Variants in CHCHD6 observed in about 807,000 individuals in gnomAD.
CHCHD6 encodes coiled-coil-helix-coiled-coil-helix domain containing 6.
In CHCHD6, 28 loss-of-function variants were observed where a neutral mutation model predicts 32.3. The observed-to-expected ratio is 0.87, with a 90% confidence interval of 0.64 to 1.19. The LOEUF is 1.19. Among genes scored for constraint, CHCHD6 ranks in the 50% most tolerant of loss-of-function variants. CHCHD6 has a pLI of 0.00. For synonymous variants in CHCHD6, 122 were observed against 117.5 expected (o/e 1.04, Z -0.25); for missense variants, 333 against 307.0 (o/e 1.08, Z -0.63).
At chr3:126,940,338 A>G (rs1242670275) in intron 6 of CHCHD6, among the ~76,000 whole-genome samples, 1 of 152,178 alleles carries the variant, frequency 6.6e-6, no homozygotes, top group Middle Eastern at 3.2e-3. Context: ...TCCCTCATCT[A>G]TATGCTGTGC....
At chr3:126,766,965 C>T in intron 4 of CHCHD6, 1 of 963,056 alleles carries the variant, frequency 1.0e-6, no homozygotes, top group African/African-American at 1.6e-5. Flanking sequence ...AGTCCAGGAC[C>T]AGTGTGTGGT....
intron 5 of CHCHD6, among the ~76,000 whole-genome samples, chr3:126,899,662 A>G (rs934892512): frequency 6.6e-6 from 1 of 152,206 alleles, no homozygotes; most frequent in African/African-American, 2.4e-5. Context: ...TGGGCTTCAG[A>G]GAGCACAGCT....
At chr3:126,858,926 C>T (rs538108069) in intron 5 of CHCHD6, among the ~76,000 whole-genome samples, 2 of 152,310 alleles carry the variant, frequency 1.3e-5, no homozygotes, top group African/African-American at 4.8e-5. Context: ...ACCGCAGAAT[C>T]GCCTGCTGCT....
At chr3:126,821,143 G>A (rs1037537109) in intron 4 of CHCHD6, among the ~76,000 whole-genome samples, 1 of 152,172 alleles carries the variant, frequency 6.6e-6, no homozygotes, top group African/African-American at 2.4e-5. Flanking sequence ...CCATATTGTA[G>A]CATGTATCAG....
At chr3:126,782,422 G>T (rs567118140) in intron 4 of CHCHD6, among the ~76,000 whole-genome samples, 2 of 152,224 alleles carry the variant, frequency 1.3e-5, no homozygotes, top group Non-Finnish European at 2.9e-5. Context: ...GGCCCAGGCC[G>T]ATGTCATACG....
At chr3:126,882,433 G>A (rs1381373670) in intron 5 of CHCHD6, among the ~76,000 whole-genome samples, 2 of 152,306 alleles carry the variant, frequency 1.3e-5, no homozygotes, top group South Asian at 4.1e-4. Flanking sequence ...AGAAGTCCTG[G>A]TTCTCCGCTG....
chr3:126,806,326 A>G (rs971698867), intron 4 of CHCHD6, among the ~76,000 whole-genome samples: 11 of 152,240 alleles, frequency 7.2e-5, no homozygotes, highest in African/African-American at 2.7e-4. Flanking sequence ...AATATCCAGA[A>G]TCTACAATGA....
Position 126,733,202 on chromosome 3 carries a change from G to A in CHCHD6, c.391G>A (p.Glu131Lys), listed in dbSNP as rs756948369. Residue 131 changes from glutamate (E) to lysine (K), a missense_variant, in exon 4 of 8, where the codon GAG (glutamate) becomes AAG (lysine). Physicochemically the swap from Glu to Lys is moderately conservative, Grantham distance 56 (BLOSUM62 1). Coordinates refer to ENST00000290913, the MANE Select transcript of CHCHD6 (RefSeq NM_032343.3). Reference protein sequence around the residue: ...PTGEGSISHEEQKSVRLAREL... With the variant: ...PTGEGSISHEKQKSVRLAREL... ...GGGCGAAGGCAGCATCAGCCATGAGGAGCAGAAGTCAGTCCGGCTGGTGAG... is the reference window on the plus strand; with the variant it reads ...GGGCGAAGGCAGCATCAGCCATGAGAAGCAGAAGTCAGTCCGGCTGGTGAG... 3.1e-6 allele frequency: 5 copies of A among 1,613,960 alleles called. 1 individual carries two copies. In the South Asian group the frequency reaches 5.5e-5, roughly 18 times the overall value.
At chr3:126,896,970 T>A (rs186825690) in intron 5 of CHCHD6, among the ~76,000 whole-genome samples, 22 of 152,324 alleles carry the variant, frequency 1.4e-4, no homozygotes, top group Admixed American at 4.6e-4. Flanking sequence ...CTCCTACTGC[T>A]GTAGTCCAGG....
intron 6 of CHCHD6, among the ~76,000 whole-genome samples, chr3:126,922,429 C>A (rs147384888): frequency 6.6e-6 from 1 of 152,340 alleles, no homozygotes; most frequent in African/African-American, 2.4e-5. Flanking sequence ...CATTTGCTTA[C>A]AGACACACCC....
intron 5 of CHCHD6, among the ~76,000 whole-genome samples, chr3:126,854,022 G>A (rs1941566269): frequency 6.6e-6 from 1 of 152,216 alleles, no homozygotes; most frequent in Non-Finnish European, 1.5e-5. Context: ...CTAGAGGCAT[G>A]TGTACATATC....
At chr3:126,841,223 C>T (rs1357099875) in intron 4 of CHCHD6, among the ~76,000 whole-genome samples, 4 of 152,166 alleles carry the variant, frequency 2.6e-5, no homozygotes, top group Admixed American at 6.5e-5. Context: ...AGGACATGAA[C>T]TCATCATTTT....
chr3:126,894,849 A>G (rs1052888548), intron 5 of CHCHD6, among the ~76,000 whole-genome samples: 6 of 152,248 alleles, frequency 3.9e-5, no homozygotes, highest in Non-Finnish European at 7.3e-5. Context: ...AGACATGTGC[A>G]ACAAAAGGTG....
intron 4 of CHCHD6, among the ~76,000 whole-genome samples, chr3:126,818,976 G>C (rs1017000518): frequency 2.6e-5 from 4 of 152,172 alleles, no homozygotes; most frequent in African/African-American, 9.7e-5. Flanking sequence ...AGTGCAGCAG[G>C]TCAGCTTGAA....
intron 4 of CHCHD6, among the ~76,000 whole-genome samples, chr3:126,760,310 G>T (rs1405565669): frequency 1.3e-5 from 2 of 152,098 alleles, no homozygotes; most frequent in African/African-American, 4.8e-5. Flanking sequence ...TTCTTGATTT[G>T]TTTTTTCAGT....
At chr3:126,910,443 G>T (rs949770614) in intron 5 of CHCHD6, among the ~76,000 whole-genome samples, 2 of 152,144 alleles carry the variant, frequency 1.3e-5, no homozygotes, top group African/African-American at 4.8e-5. Flanking sequence ...AGCAACAGTG[G>T]CATCTCCTGC....
intron 1 of CHCHD6, among the ~76,000 whole-genome samples, chr3:126,717,482 TAAAG>T (rs1935075474): frequency 6.6e-6 from 1 of 152,104 alleles, no homozygotes; most frequent in African/African-American, 2.4e-5. Flanking sequence ...TATGGTTTAA[TAAAG>T]AAACCCATAC....
intron 4 of CHCHD6, among the ~76,000 whole-genome samples, chr3:126,784,496 C>A (rs186743325): frequency 3.0e-4 from 45 of 152,310 alleles, no homozygotes; most frequent in African/African-American, 1.1e-3. Flanking sequence ...CTGCCCCCAA[C>A]TGTGGAATGT....
intron 4 of CHCHD6, among the ~76,000 whole-genome samples, chr3:126,744,512 A>G (rs535463569): frequency 3.3e-5 from 5 of 152,336 alleles, no homozygotes; most frequent in Admixed American, 1.3e-4. Context: ...AGCTGAGTGC[A>G]CTTGGGTAGA....
Sources: allele counts gnomAD v4.1 joint callset (sites outside exome capture counted in the v4.1 genomes callset), GRCh38; gene constraint gnomAD v4.1.1; transcripts MANE v1.5; gene names NCBI Gene and HGNC (gene_info 2026-07-23, HGNC 2026-07-21).